CTNNA3: variants seen among roughly 807,000 people sequenced by gnomAD.
The protein encoded by CTNNA3 is catenin alpha-3.
In CTNNA3, 76 loss-of-function variants were observed where a neutral mutation model predicts 95.7. The ratio of observed to expected loss-of-function variants is 0.79; its 90% CI spans 0.66 to 0.96. The LOEUF is 0.96. Among genes scored for constraint, CTNNA3 ranks in the 40% least tolerant of loss-of-function variants. The pLI, the probability that CTNNA3 is intolerant of heterozygous loss-of-function variation, is 0.00. For missense variants in CTNNA3, 1,191 were observed against 1,089.8 expected, an observed-to-expected ratio of 1.09 and a Z score of -1.31; for synonymous variants, 431 against 374.4, an observed-to-expected ratio of 1.15 and a Z score of -1.74.
chr10:67,762,073 A>T (rs1177104255), intron 1 of CTNNA3, among the ~76,000 whole-genome samples: 3 of 151,260 alleles, frequency 2.0e-5, no homozygotes, highest in Middle Eastern at 3.2e-3. Flanking sequence ...AATGCTAAAG[A>T]CCTAAGGTTG....
chr10:66,810,194 T>C (rs1192573519), intron 7 of CTNNA3, among the ~76,000 whole-genome samples: 1 of 152,192 alleles, frequency 6.6e-6, no homozygotes, highest in Non-Finnish European at 1.5e-5. Context: ...TAATTGTGAA[T>C]TACCTATCCA....
intron 7 of CTNNA3, among the ~76,000 whole-genome samples, chr10:67,111,340 A>G (rs550722630): frequency 6.6e-6 from 1 of 152,262 alleles, no homozygotes; most frequent in East Asian, 1.9e-4. Context: ...AACCAAACCT[A>G]GGTTCCAAAG....
intron 12 of CTNNA3, among the ~76,000 whole-genome samples, chr10:66,360,017 C>A (rs1197681432): frequency 3.3e-5 from 5 of 151,572 alleles, no homozygotes; most frequent in South Asian, 4.2e-4. Context: ...TTAGTAGAGA[C>A]GGGGTTTCAG....
intron 10 of CTNNA3, among the ~76,000 whole-genome samples, chr10:66,522,774 T>C (rs1841113025): frequency 6.6e-6 from 1 of 151,746 alleles, no homozygotes; most frequent in African/African-American, 2.4e-5. Flanking sequence ...TCCACGCACG[T>C]TATCACAAGT....
At chr10:66,021,851 G>GGTTTTTTTTTTTTTTTTTTTTTTTTTT (rs1564583857) in intron 15 of CTNNA3, among the ~76,000 whole-genome samples, 1 of 41,680 alleles carries the variant, frequency 2.4e-5, no homozygotes, top group African/African-American at 7.9e-5. Flanking sequence ...CAGGATCTTG[G>GGTTTTTTTTTTTTTTTTTTTTTTTTTT]CTTTTTTTTT....
chr10:66,197,806 C>A (rs1220155871), intron 13 of CTNNA3, among the ~76,000 whole-genome samples: 1 of 152,136 alleles, frequency 6.6e-6, no homozygotes, highest in Non-Finnish European at 1.5e-5. Flanking sequence ...CTTCCTAAGA[C>A]AAACACCAGC....
At chr10:66,556,782 T>C (rs963239122) in intron 10 of CTNNA3, among the ~76,000 whole-genome samples, 5 of 152,000 alleles carry the variant, frequency 3.3e-5, no homozygotes, top group Admixed American at 3.3e-4. Context: ...ATAAGATGAA[T>C]AGGTCTAGCG....
At chr10:66,182,818 A>G (rs2067089749) in intron 13 of CTNNA3, among the ~76,000 whole-genome samples, 1 of 152,198 alleles carries the variant, frequency 6.6e-6, no homozygotes, top group Admixed American at 6.5e-5. Flanking sequence ...ACAAGACTGA[A>G]ACCATGGTCT....
At chr10:67,400,434 C>A (rs1844874847) in intron 5 of CTNNA3, among the ~76,000 whole-genome samples, 1 of 152,010 alleles carries the variant, frequency 6.6e-6, no homozygotes, top group African/African-American at 2.4e-5. Flanking sequence ...ATTATGAGAA[C>A]AATAAAAATG....
At chr10:67,450,654 G>T (rs1405578161) in intron 5 of CTNNA3, among the ~76,000 whole-genome samples, 2 of 152,002 alleles carry the variant, frequency 1.3e-5, no homozygotes, top group Non-Finnish European at 2.9e-5. Context: ...GGAGGAGGGA[G>T]AGAATCAGAA....
At chr10:66,556,930 C>T (rs1842409097) in intron 10 of CTNNA3, among the ~76,000 whole-genome samples, 1 of 152,066 alleles carries the variant, frequency 6.6e-6, no homozygotes, top group South Asian at 2.1e-4. Flanking sequence ...ATTCACTTGA[C>T]TGTAGTAATC....
chr10:67,605,708 C>T (rs1410308247), intron 3 of CTNNA3, among the ~76,000 whole-genome samples: 5 of 150,552 alleles, frequency 3.3e-5, no homozygotes, highest in East Asian at 1.9e-4. Flanking sequence ...GACGAAGTCT[C>T]GCTCTTGTCC....
At chr10:66,949,268 T>G (rs562934295) in intron 7 of CTNNA3, among the ~76,000 whole-genome samples, 1 of 152,232 alleles carries the variant, frequency 6.6e-6, no homozygotes, top group South Asian at 2.1e-4. Flanking sequence ...AAAATCACTA[T>G]GGCCAGACCA....
At chr10:66,391,621 G>A (rs2092934236) in intron 11 of CTNNA3, among the ~76,000 whole-genome samples, 1 of 151,986 alleles carries the variant, frequency 6.6e-6, no homozygotes, top group African/African-American at 2.4e-5. Flanking sequence ...AATGATTCTT[G>A]TTACAAAAAG....
intron 3 of CTNNA3, among the ~76,000 whole-genome samples, chr10:67,603,150 T>G (rs1278232955): frequency 1.3e-5 from 2 of 152,228 alleles, no homozygotes; most frequent in Non-Finnish European, 2.9e-5. Context: ...GACAGTCATC[T>G]AAATCAGCAT....
At chr10:66,898,230 G>A (rs1845581066) in intron 7 of CTNNA3, among the ~76,000 whole-genome samples, 1 of 152,140 alleles carries the variant, frequency 6.6e-6, no homozygotes, top group African/African-American at 2.4e-5. Context: ...ATTAGAGAGA[G>A]TAGCTTGCAT....
intron 1 of CTNNA3, among the ~76,000 whole-genome samples, chr10:67,763,148 T>C (rs80187413): frequency 0.011 from 1,679 of 152,238 alleles, 37 homozygotes; most frequent in African/African-American, 0.039. Flanking sequence ...CAATATCTAT[T>C]GGAAAAAGTG....
intron 7 of CTNNA3, among the ~76,000 whole-genome samples, chr10:66,985,724 A>G (rs768295219): frequency 3.3e-5 from 5 of 151,856 alleles, no homozygotes; most frequent in Admixed American, 6.6e-5. Flanking sequence ...CTGTTTGTTT[A>G]TTTGTTTGTT....
intron 7 of CTNNA3, among the ~76,000 whole-genome samples, chr10:66,999,255 C>T (rs1364465670): frequency 6.6e-6 from 1 of 152,012 alleles, no homozygotes; most frequent in Non-Finnish European, 1.5e-5. Flanking sequence ...AGTTAAAAGA[C>T]CTGTGACTGA....
Sources: gnomAD v4.1 joint callset for allele counts (sites outside exome capture counted in the v4.1 genomes callset) on GRCh38, gnomAD v4.1.1 for gene constraint, MANE v1.5 for transcripts, NCBI Gene and HGNC (gene_info 2026-07-23, HGNC 2026-07-21) for gene names.